RNF144A: variants seen among roughly 807,000 people sequenced by gnomAD.
The protein encoded by RNF144A is ring finger protein 144A.
RNF144A carries 11 observed loss-of-function variants against 38.7 expected under a neutral mutation model. That is an observed-to-expected ratio of 0.28 (90% CI 0.18 to 0.47). RNF144A has a LOEUF of 0.47. RNF144A is among the 20% of genes least tolerant of loss of function. The pLI is 0.99. For synonymous variants in RNF144A, 149 were observed against 143.9 expected, an observed-to-expected ratio of 1.04 and a Z score of -0.25; for missense variants, 316 against 377.2, an observed-to-expected ratio of 0.84 and a Z score of 1.34.
intron 1 of RNF144A, among the ~76,000 whole-genome samples, chr2:6,926,081 G>T (rs1240292550): frequency 6.6e-6 from 1 of 152,182 alleles, no homozygotes; most frequent in East Asian, 1.9e-4. Flanking sequence ...CTGGTGCAGC[G>T]GCTTGGGATG....
Position 7,018,329 on chromosome 2 carries a change from G to A in RNF144A, c.302-2144G>A, listed in dbSNP as rs555949468. ...GTGCACACAGCACTTGCACCCTCCC[G>A]CAGGGCTGGGCAGACATGGGCCTCC... is the stretch of plus-strand genomic sequence containing the variant. On this transcript the variant is annotated intron_variant, in intron 5 of 8. Coordinates refer to ENST00000320892, the MANE Select transcript of RNF144A (RefSeq NM_014746.6). Among the ~76,000 whole-genome samples, 12 of 152,346 alleles carry A rather than the reference G, an allele frequency of 7.9e-5. No homozygotes were observed. The East Asian group carries it at 9.6e-4, about 12-fold the overall frequency.
At chr2:7,070,206 G>A (rs1053510428), downstream of RNF144A, among the ~76,000 whole-genome samples, 7 of 152,074 alleles carry the variant, frequency 4.6e-5, no homozygotes, top group African/African-American at 1.7e-4. Context: ...GTTTGACTCT[G>A]TTACCCAGTC....
intron 8 of RNF144A, among the ~76,000 whole-genome samples, chr2:7,034,906 C>T (rs967382114): frequency 1.3e-5 from 2 of 152,144 alleles, no homozygotes; most frequent in African/African-American, 4.8e-5. Flanking sequence ...CGTGATTGGC[C>T]TTGGAGAGGG....
rs1411122580 is a variant in RNF144A, at chr2:7,049,487, A to G, written c.735-18729A>G. ...TTGCTGATTTCACCTGGCATACAAA[A>G]TCCTGAAAAACGAGTCTCTTGGAAT... On this transcript the variant is annotated intron_variant, in intron 6 of 6. Transcript: ENST00000432850. Among the ~76,000 whole-genome samples the G allele has an allele frequency of 2.0e-5, 3 of 152,184 alleles. No individual in the cohort carries two copies. The East Asian group carries it at 5.8e-4, about 29-fold the overall frequency.
At chr2:7,016,224 C>T (rs759182118) in intron 5 of RNF144A, among the ~76,000 whole-genome samples, 6 of 150,980 alleles carry the variant, frequency 4.0e-5, no homozygotes, top group African/African-American at 7.3e-5. Flanking sequence ...ATTAAAGTGT[C>T]GTATATCATT....
chr2:6,998,881 A>G (rs544428617), intron 3 of RNF144A, among the ~76,000 whole-genome samples: 1 of 151,050 alleles, frequency 6.6e-6, no homozygotes, highest in South Asian at 2.2e-4. Context: ...CCCTCTGCCA[A>G]AAATGCCTTG....
downstream of RNF144A, among the ~76,000 whole-genome samples, chr2:7,071,776 G>C (rs1468349044): frequency 6.6e-6 from 1 of 152,216 alleles, no homozygotes. Flanking sequence ...TCTAGGTGTT[G>C]CTCTGTAGCT....
In RNF144A at chr2:7,024,521, G is replaced by C; in HGVS notation, c.657+5G>C. The C allele has an allele frequency of 6.3e-7, 1 of 1,597,646 alleles. No individual in the cohort carries two copies. Among genetic ancestry groups the C allele is most frequent in the Non-Finnish European group, 8.6e-7 (1 of 1,166,392 alleles). On this transcript the variant is annotated splice_donor_5th_base_variant and intron_variant, in intron 7 of 8. Coordinates refer to ENST00000320892, the MANE Select transcript of RNF144A (RefSeq NM_014746.6). ...TACTGCCTGGAGTCTCTGGACGTGAGTACGGCCTTCAGCTTCACCTTGCGG... is the reference window on the plus strand; with the variant it reads ...TACTGCCTGGAGTCTCTGGACGTGACTACGGCCTTCAGCTTCACCTTGCGG...
rs563884681 is a variant in RNF144A, at chr2:7,016,639, C to T, written c.301+1867C>T. Among the ~76,000 whole-genome samples the T allele has an allele frequency of 5.4e-5, 8 of 148,924 alleles. No homozygotes were observed. The East Asian group carries it at 1.4e-3, about 25-fold the overall frequency. On this transcript the variant is annotated intron_variant, in intron 5 of 8. Coordinates refer to ENST00000320892, the MANE Select transcript of RNF144A (RefSeq NM_014746.6). The stretch of plus-strand genomic sequence containing the variant: ...GTTTTTTTTTTTTTAAGTATTCAGA[C>T]TTCATACTATAAAAGACCTGTCTAG...
At chr2:6,967,267 A>G (rs1006976165) in intron 2 of RNF144A, among the ~76,000 whole-genome samples, 9 of 152,262 alleles carry the variant, frequency 5.9e-5, no homozygotes, top group African/African-American at 2.2e-4. Flanking sequence ...ACAAATTACT[A>G]TAAATCAAGC....
At chr2:7,008,177 T>G (rs1670569575) in intron 3 of RNF144A, among the ~76,000 whole-genome samples, 3 of 152,242 alleles carry the variant, frequency 2.0e-5, no homozygotes, top group South Asian at 2.1e-4. Flanking sequence ...AGCCTATCAC[T>G]GCCTCTTTGG....
At chr2:7,002,908 A>T (rs1414787839) in intron 3 of RNF144A, among the ~76,000 whole-genome samples, 1 of 152,112 alleles carries the variant, frequency 6.6e-6, no homozygotes, top group Non-Finnish European at 1.5e-5. Flanking sequence ...GAAGATGTGG[A>T]GGTGGAAGCC....
chr2:7,024,271 A>C (rs1192773266), intron 6 of RNF144A, 98 bp from the exon 7 acceptor site: 1 of 1,065,770 alleles, frequency 9.4e-7, no homozygotes, highest in Non-Finnish European at 1.3e-6. Flanking sequence ...AAGAAAACTC[A>C]GTCTGTGAAG....
chr2:7,010,067 A>G (rs1417789791), intron 3 of RNF144A, among the ~76,000 whole-genome samples: 3 of 152,244 alleles, frequency 2.0e-5, no homozygotes. Flanking sequence ...ACCATCTACT[A>G]GAGGAGAAAC....
chr2:6,992,605 G>A (rs1669466248), intron 2 of RNF144A, among the ~76,000 whole-genome samples: 1 of 152,216 alleles, frequency 6.6e-6, no homozygotes, highest in African/African-American at 2.4e-5. Context: ...ATGAAAGTAA[G>A]AGGTGGATGA....
downstream of RNF144A, among the ~76,000 whole-genome samples, chr2:7,069,744 A>G (rs1674389143): frequency 6.6e-6 from 1 of 152,264 alleles, no homozygotes; most frequent in Non-Finnish European, 1.5e-5. Flanking sequence ...ATGAGAACTC[A>G]GGCTCAGGCC....
rs147979686 is a variant in RNF144A at position 6,951,194 on chromosome 2, G to A, written c.-12+10047G>A. ...TTTTATTCATAAGGAAAAATAATAC[G>A]TAGTAACATTTATTGAATGGCCCTT... On this transcript the variant is annotated intron_variant, in intron 2 of 8. Transcript: ENST00000320892. 3.1e-3 allele frequency among the ~76,000 whole-genome samples: 468 copies of A among 152,004 alleles called. 1 individual carries two copies. The highest frequency in any genetic ancestry group is 0.011 in the African/African-American group (445 of 41,490).
intron 5 of RNF144A, among the ~76,000 whole-genome samples, chr2:7,016,939 G>A (rs893031209): frequency 5.9e-5 from 9 of 152,202 alleles, no homozygotes; most frequent in African/African-American, 2.2e-4. Context: ...TGGTTTTAGC[G>A]TCAATGTCTT....
At chr2:6,952,654 G>A (rs1666760070) in intron 2 of RNF144A, among the ~76,000 whole-genome samples, 1 of 150,334 alleles carries the variant, frequency 6.7e-6, no homozygotes, top group African/African-American at 2.4e-5. Flanking sequence ...TATAACTTAA[G>A]AAAAAATTTA....
Sources: allele counts gnomAD v4.1 joint callset (sites outside exome capture counted in the v4.1 genomes callset), GRCh38; gene constraint gnomAD v4.1.1; transcripts MANE v1.5; gene names NCBI Gene and HGNC (gene_info 2026-07-23, HGNC 2026-07-21).